Variants in SNAP25 observed in about 807,000 individuals in gnomAD.
SNAP25 encodes the protein synaptosomal-associated protein 25.
In SNAP25, 3 loss-of-function variants were observed where a neutral mutation model predicts 28.7. The ratio of observed to expected loss-of-function variants is 0.10; its 90% CI spans 0.05 to 0.27. The LOEUF is 0.27. SNAP25 is among the 10% of genes least tolerant of loss of function. The pLI is 1.00. For synonymous variants in SNAP25, 61 were observed against 88.1 expected (o/e 0.69, Z 1.72); for missense variants, 117 against 278.7 (o/e 0.42, Z 4.13).
chr20:10,266,234 G>A (rs1600716106), intron 1 of SNAP25, among the ~76,000 whole-genome samples: 3 of 152,176 alleles, frequency 2.0e-5, no homozygotes, highest in Non-Finnish European at 4.4e-5. Context: ...AGGGGACTTA[G>A]GGAGTTGTCT....
chr20:10,221,735 A>T (rs534686891), intron 1 of SNAP25, among the ~76,000 whole-genome samples: 1 of 152,370 alleles, frequency 6.6e-6, no homozygotes, highest in East Asian at 1.9e-4. Flanking sequence ...TAGCTTGTCT[A>T]AAGATATTCC....
chr20:10,270,124 A>G (rs1299765330), intron 1 of SNAP25, among the ~76,000 whole-genome samples: 7 of 152,096 alleles, frequency 4.6e-5, no homozygotes, highest in African/African-American at 7.2e-5. Flanking sequence ...GTGGTGGTGC[A>G]TGCCTGTAAT....
At chr20:10,247,727 G>C (rs535820206) in intron 1 of SNAP25, among the ~76,000 whole-genome samples, 2 of 152,350 alleles carry the variant, frequency 1.3e-5, no homozygotes, top group East Asian at 3.9e-4. Context: ...AAATTTGACT[G>C]CAGGGTATGG....
At chr20:10,277,873 T>C (rs913580263) in intron 3 of SNAP25, 147 bp downstream of exon 3, 2 of 724,088 alleles carry the variant, frequency 2.8e-6, no homozygotes, top group African/African-American at 3.5e-5. Context: ...ATGAGGGAGA[T>C]GCTGTATTTA....
chr20:10,252,890 A>G (rs776914696), intron 1 of SNAP25, among the ~76,000 whole-genome samples: 3 of 150,864 alleles, frequency 2.0e-5, no homozygotes, highest in Non-Finnish European at 4.4e-5. Context: ...AAATATTTAA[A>G]CCTCCCTGAG....
intron 1 of SNAP25, among the ~76,000 whole-genome samples, chr20:10,221,893 AAG>A (rs1284337995): frequency 6.6e-6 from 1 of 152,256 alleles, no homozygotes; most frequent in Admixed American, 6.5e-5. Flanking sequence ...TAATCTGAGA[AAG>A]AGGTTGAGAG....
chr20:10,277,163 G>A (rs1568610771), intron 2 of SNAP25, among the ~76,000 whole-genome samples: 1 of 152,100 alleles, frequency 6.6e-6, no homozygotes. Flanking sequence ...TCTCCTATAG[G>A]CTGGTCATTT....
chr20:10,294,160 A>T (rs943670209), intron 5 of SNAP25, among the ~76,000 whole-genome samples: 1 of 151,980 alleles, frequency 6.6e-6, no homozygotes, highest in Non-Finnish European at 1.5e-5. Context: ...TCCTTATCCA[A>T]TCTCCCTCAC....
chr20:10,243,401 A>G (rs1844808535), intron 1 of SNAP25, among the ~76,000 whole-genome samples: 1 of 152,208 alleles, frequency 6.6e-6, no homozygotes, highest in Non-Finnish European at 1.5e-5. Context: ...GGATTCCATC[A>G]GCTTTTCAAT....
intron 1 of SNAP25, among the ~76,000 whole-genome samples, chr20:10,250,047 T>C (rs913400149): frequency 1.3e-5 from 2 of 152,188 alleles, no homozygotes; most frequent in East Asian, 3.9e-4. Context: ...ATGCTGCTGC[T>C]GCCTGTCCTG....
At chr20:10,288,993 T>G (rs1301535033) in intron 4 of SNAP25, among the ~76,000 whole-genome samples, 1 of 152,178 alleles carries the variant, frequency 6.6e-6, no homozygotes, top group Non-Finnish European at 1.5e-5. Context: ...CTACTAATTT[T>G]GTTTATGCGT....
chr20:10,243,559 A>T (rs1264804977), intron 1 of SNAP25, among the ~76,000 whole-genome samples: 1 of 152,124 alleles, frequency 6.6e-6, no homozygotes, highest in Non-Finnish European at 1.5e-5. Context: ...ATTGACAGGG[A>T]TCCTGTGGAA....
At chr20:10,305,981 T>C (rs2064349546) in intron 7 of SNAP25, 148 bp from the exon 8 acceptor site, 1 of 633,802 alleles carries the variant, frequency 1.6e-6, no homozygotes, top group African/African-American at 1.8e-5. Flanking sequence ...TAGCCGTCAT[T>C]CTGGGAAGAC....
chr20:10,235,006 G>A (rs548648896), intron 1 of SNAP25, among the ~76,000 whole-genome samples: 8 of 152,298 alleles, frequency 5.3e-5, no homozygotes, highest in South Asian at 2.1e-4. Flanking sequence ...AGGGTTCAGC[G>A]GCCTTGAACT....
chr20:10,292,279 T>A (rs1195589826), intron 4 of SNAP25, among the ~76,000 whole-genome samples: 2 of 152,216 alleles, frequency 1.3e-5, no homozygotes, highest in Non-Finnish European at 2.9e-5. Flanking sequence ...TGGATGTTAC[T>A]CTTTTTTTAA....
At chr20:10,234,185 A>AT (rs5840368) in intron 1 of SNAP25, among the ~76,000 whole-genome samples, 1 of 150,170 alleles carries the variant, frequency 6.7e-6, no homozygotes, top group East Asian at 2.0e-4. Flanking sequence ...CTATTATTTA[A>AT]TTTTTTTTTT....
chr20:10,256,198 G>A (rs987222252), intron 1 of SNAP25, among the ~76,000 whole-genome samples: 2 of 152,188 alleles, frequency 1.3e-5, no homozygotes, highest in African/African-American at 2.4e-5. Flanking sequence ...AGGCAAGAAT[G>A]TACTTAAACT....
chr20:10,266,463 GA>G (rs2063508628), intron 1 of SNAP25, among the ~76,000 whole-genome samples: 1 of 152,110 alleles, frequency 6.6e-6, no homozygotes, highest in Non-Finnish European at 1.5e-5. Context: ...GAAACCCAGA[GA>G]AAAAAAGGTG....
chr20:10,286,540 C>G (rs60888974), intron 4 of SNAP25, among the ~76,000 whole-genome samples: 16,704 of 152,116 alleles, frequency 0.11, 1,171 homozygotes, highest in East Asian at 0.18. Context: ...AATGTTCTAG[C>G]ACTAGTAGCC....
Sources: allele counts gnomAD v4.1 joint callset (sites outside exome capture counted in the v4.1 genomes callset), GRCh38; gene constraint gnomAD v4.1.1; transcripts MANE v1.5; gene names NCBI Gene and HGNC (gene_info 2026-07-23, HGNC 2026-07-21).